GLRB: variants seen among roughly 807,000 people sequenced by gnomAD.
The protein encoded by GLRB is glycine receptor subunit beta.
A neutral mutation model predicts 54.2 loss-of-function variants in GLRB; 33 were observed. The observed-to-expected ratio is 0.61, with a 90% CI of 0.46 to 0.81. GLRB has a LOEUF of 0.81. GLRB is among the 40% of genes least tolerant of loss of function. The pLI, the probability that GLRB is intolerant of heterozygous loss-of-function variation, is 0.00. For synonymous variants in GLRB, 209 were observed against 208.2 expected (o/e 1.00, Z -0.03); for missense variants, 572 against 584.6 (o/e 0.98, Z 0.22).
At chr4:157,102,350 A>G (rs1411889284) in intron 2 of GLRB, among the ~76,000 whole-genome samples, 4 of 151,836 alleles carry the variant, frequency 2.6e-5, no homozygotes, top group Admixed American at 1.3e-4. Context: ...CATTTTCCCT[A>G]CCCCCAGCCT....
rs1736506680 is a variant in GLRB, at chr4:157,138,868, G to GA, written c.676dup (p.Ile226AsnfsTer7). 1.9e-6 allele frequency: 3 copies of GA among 1,548,114 alleles called. No homozygotes were observed. The highest frequency in any genetic ancestry group is 4.5e-5 in the East Asian group (2 of 44,358). ...GCAGTCAGGAGATCCTGTGCAATTA[G>GA]AAAAAATTGCCTTGCCTCAATTTGA... On this transcript the variant is annotated frameshift_variant, in exon 7 of 10. Transcript: ENST00000264428. LOFTEE classifies it high-confidence loss of function.
intron 9 of GLRB, among the ~76,000 whole-genome samples, chr4:157,168,585 A>G (rs1255203546): frequency 6.6e-6 from 1 of 152,188 alleles, no homozygotes; most frequent in Non-Finnish European, 1.5e-5. Context: ...ATAATGAACA[A>G]TTGCTAAATA....
chr4:157,107,492 T>G (rs1165499875), intron 2 of GLRB, among the ~76,000 whole-genome samples: 1 of 151,916 alleles, frequency 6.6e-6, no homozygotes, highest in Non-Finnish European at 1.5e-5. Context: ...TGGAGAAAGG[T>G]TAAGTGGTCT....
intron 2 of GLRB, among the ~76,000 whole-genome samples, chr4:157,092,433 G>C (rs77977857): frequency 6.6e-6 from 1 of 152,154 alleles, no homozygotes; most frequent in East Asian, 1.9e-4. Flanking sequence ...ACCTATGTTT[G>C]TGATAGTAGA....
intron 4 of GLRB, among the ~76,000 whole-genome samples, chr4:157,124,716 T>C (rs1009895529): frequency 1.3e-5 from 2 of 151,804 alleles, no homozygotes; most frequent in African/African-American, 4.8e-5. Context: ...AAAACCTTTA[T>C]CTAAAGGAGT....
intron 2 of GLRB, among the ~76,000 whole-genome samples, chr4:157,114,783 T>C (rs1735546702): frequency 6.6e-6 from 1 of 151,774 alleles, no homozygotes; most frequent in Non-Finnish European, 1.5e-5. Flanking sequence ...GTTATGTGGT[T>C]TTTGAGAGGA....
chr4:157,083,609 T>G (rs1734303627), intron 2 of GLRB, among the ~76,000 whole-genome samples: 1 of 152,168 alleles, frequency 6.6e-6, no homozygotes, highest in South Asian at 2.1e-4. Flanking sequence ...TACATTGTGT[T>G]TGATTACAGC....
chr4:157,152,305 A>C (rs1737050482), intron 8 of GLRB, among the ~76,000 whole-genome samples: 1 of 152,012 alleles, frequency 6.6e-6, no homozygotes, highest in South Asian at 2.1e-4. Flanking sequence ...TTAGTTGCTC[A>C]TGGGGACAAA....
At chr4:157,095,367 G>T (rs1734770877) in intron 2 of GLRB, among the ~76,000 whole-genome samples, 1 of 151,560 alleles carries the variant, frequency 6.6e-6, no homozygotes, top group Admixed American at 6.6e-5. Context: ...AGGAAGAGTA[G>T]ATAGGAAATG....
At chr4:157,124,549 G>C (rs1033975581) in intron 4 of GLRB, among the ~76,000 whole-genome samples, 5 of 151,806 alleles carry the variant, frequency 3.3e-5, no homozygotes, top group Admixed American at 6.6e-5. Flanking sequence ...TTAGCCAATA[G>C]TGAGTGAATA....
intron 4 of GLRB, among the ~76,000 whole-genome samples, chr4:157,132,402 A>G (rs1158270821): frequency 6.6e-6 from 1 of 151,614 alleles, no homozygotes; most frequent in Non-Finnish European, 1.5e-5. Context: ...ATTATGATTG[A>G]TTATATTGTA....
chr4:157,144,867 A>G (rs1736749916), intron 8 of GLRB, among the ~76,000 whole-genome samples: 1 of 152,248 alleles, frequency 6.6e-6, no homozygotes, highest in South Asian at 2.1e-4. Context: ...AGAAGCCATG[A>G]AAATGGCAAT....
intron 2 of GLRB, among the ~76,000 whole-genome samples, chr4:157,088,214 A>G (rs913982523): frequency 1.3e-5 from 2 of 152,088 alleles, no homozygotes; most frequent in Admixed American, 6.5e-5. Flanking sequence ...CCTAATACAA[A>G]AGGCTTACCT....
chr4:157,136,531 T>A lies in GLRB; in HGVS notation c.360T>A (p.Ser120Arg). 8.7e-6 allele frequency: 14 copies of A among 1,613,142 alleles called. 1 individual carries two copies. Among genetic ancestry groups the A allele is most frequent in the South Asian group, 4.4e-5 (4 of 91,038 alleles). Residue 120 changes from serine (S) to arginine (R), a missense_variant, in exon 5 of 10, where the codon AGT becomes AGA. Physicochemically the swap from Ser to Arg is moderately radical, Grantham distance 110. Transcript: ENST00000264428. ...KWNDPRLKLPSDFRGSDALTV... is the reference protein window; with the variant it reads ...KWNDPRLKLPRDFRGSDALTV... ...ATGACCCCAGGCTGAAGCTCCCCAG[T>A]GATTTTAGGGGTTCAGATGCACTGA...
intron 9 of GLRB, among the ~76,000 whole-genome samples, chr4:157,159,806 T>C (rs1388660413): frequency 6.6e-6 from 1 of 152,222 alleles, no homozygotes. Context: ...TTTTTTGTTG[T>C]GGCTCTGCCA....
At chr4:157,084,211 C>T (rs1019858391) in intron 2 of GLRB, among the ~76,000 whole-genome samples, 25 of 152,192 alleles carry the variant, frequency 1.6e-4, no homozygotes, top group African/African-American at 6.0e-4. Context: ...AGCTATACAA[C>T]TCCTTGTCAC....
chr4:157,078,251 G>A (rs1025394883), intron 2 of GLRB, 105 bp downstream of exon 2: 5 of 1,555,566 alleles, frequency 3.2e-6, no homozygotes, highest in African/African-American at 1.4e-5. Context: ...TTTTCATATC[G>A]GAATGTATAT....
intron 4 of GLRB, among the ~76,000 whole-genome samples, chr4:157,127,924 G>C (rs1350199063): frequency 6.6e-6 from 1 of 151,866 alleles, no homozygotes; most frequent in Non-Finnish European, 1.5e-5. Context: ...ACTATTTTTG[G>C]TAATTTTGTT....
intron 7 of GLRB, among the ~76,000 whole-genome samples, chr4:157,142,170 T>G (rs1375228402): frequency 2.6e-5 from 4 of 152,106 alleles, no homozygotes; most frequent in Non-Finnish European, 5.9e-5. Context: ...TGATTGTTAG[T>G]TAGAAACATA....
Sources: allele counts gnomAD v4.1 joint callset (sites outside exome capture counted in the v4.1 genomes callset), GRCh38; gene constraint gnomAD v4.1.1; transcripts MANE v1.5; gene names NCBI Gene and HGNC (gene_info 2026-07-23, HGNC 2026-07-21).